The following LIN28B variants were observed in gnomAD, a reference collection of about 807,000 sequenced individuals.
The protein encoded by LIN28B is lin-28 RNA binding posttranscriptional regulator B.
LIN28B carries 5 observed loss-of-function variants against 21.9 expected under a neutral mutation model. The observed-to-expected ratio is 0.23, with a 90% CI of 0.12 to 0.48. The LOEUF (loss-of-function observed/expected upper bound fraction) is 0.48, where lower values mean the gene tolerates loss of function less well. Ranked by LOEUF, LIN28B falls within the 20% of genes least tolerant of loss-of-function variation. The pLI is 0.98. For missense variants in LIN28B, 245 were observed against 310.5 expected (o/e 0.79, Z 1.58); for synonymous variants, 109 against 111.3 (o/e 0.98, Z 0.13).
At chr6:104,992,516 T>TGTG (rs1562084946) in intron 2 of LIN28B, among the ~76,000 whole-genome samples, 4,111 of 45,280 alleles carry the variant, frequency 0.091, 203 homozygotes, top group African/African-American at 0.17. Flanking sequence ...GTGTGTGTGT[T>TGTG]TTTTTTTTAA....
chr6:105,081,369 A>C lies in LIN28B; in HGVS notation c.*2586A>C, dbSNP rs1772538646. ...ATTCCCTCAACTCTGTGCATATGTGAATATCACTGATGTGAACACATTGTT... is the reference window on the plus strand; with the variant it reads ...ATTCCCTCAACTCTGTGCATATGTGCATATCACTGATGTGAACACATTGTT... On this transcript the variant is annotated 3_prime_UTR_variant, in exon 4 of 4. Transcript: ENST00000345080. The C allele has an allele frequency of 6.6e-6, 1 of 152,666 alleles. No homozygotes were observed. The highest frequency in any genetic ancestry group is 2.4e-5 in the African/African-American group (1 of 41,466). The allele number at this position is 152,666 out of a possible 1,614,324, so 9.5% of individuals were successfully genotyped here.
chr6:104,969,232 C>T (rs1213967404), intron 2 of LIN28B, among the ~76,000 whole-genome samples: 1 of 152,130 alleles, frequency 6.6e-6, no homozygotes, highest in African/African-American at 2.4e-5. Flanking sequence ...AATACTCAGT[C>T]TAAGGACACT....
At chr6:105,064,294 T>C (rs1405787230) in intron 3 of LIN28B, among the ~76,000 whole-genome samples, 2 of 152,192 alleles carry the variant, frequency 1.3e-5, no homozygotes, top group African/African-American at 2.4e-5. Flanking sequence ...ATAGACATAT[T>C]TGTAGATCAA....
chr6:104,959,551 T>G (rs1769683822), intron 2 of LIN28B, among the ~76,000 whole-genome samples: 1 of 152,164 alleles, frequency 6.6e-6, no homozygotes, highest in South Asian at 2.1e-4. Flanking sequence ...TGGTGTGTGT[T>G]TTCCTTTCCT....
chr6:104,988,111 T>C (rs1283242985), intron 2 of LIN28B, among the ~76,000 whole-genome samples: 1 of 152,210 alleles, frequency 6.6e-6, no homozygotes, highest in Non-Finnish European at 1.5e-5. Flanking sequence ...GAAGTGATGA[T>C]AGTGGGCATC....
At chr6:105,007,079 G>A (rs933451368) in intron 2 of LIN28B, among the ~76,000 whole-genome samples, 8 of 152,096 alleles carry the variant, frequency 5.3e-5, no homozygotes, top group African/African-American at 1.9e-4. Flanking sequence ...GATGTCTAAG[G>A]TCTCTTTCAG....
rs573952996 is a variant in LIN28B at position 105,078,955 on chromosome 6, G to A, written c.*172G>A. The A allele has an allele frequency of 1.2e-4, 80 of 674,924 alleles. 3 individuals carry two copies. The highest frequency in any genetic ancestry group is 1.2e-3 in the South Asian group (57 of 48,142). 41.8% of individuals were successfully genotyped at this position (674,924 alleles called of 1,614,324 possible). ...TCTAAGCAAATTACATTTGAGCAGG[G>A]TGTCATGTTTTATGTTAATTCAGAG... On this transcript the variant is annotated 3_prime_UTR_variant, in exon 4 of 4. Coordinates refer to ENST00000345080, the MANE Select transcript of LIN28B (RefSeq NM_001004317.4).
intron 3 of LIN28B, among the ~76,000 whole-genome samples, chr6:105,041,188 A>C (rs1395225174): frequency 3.3e-5 from 5 of 152,182 alleles, no homozygotes; most frequent in Admixed American, 2.0e-4. Context: ...CTGGGATTAC[A>C]GGTGTGAGCC....
intron 2 of LIN28B, among the ~76,000 whole-genome samples, chr6:104,971,193 G>C (rs531395312): frequency 6.6e-6 from 1 of 151,830 alleles, no homozygotes; most frequent in Non-Finnish European, 1.5e-5. Context: ...ACATATTTTC[G>C]TGCAAATAAG....
At chr6:105,060,373 C>T (rs1370983310) in intron 3 of LIN28B, among the ~76,000 whole-genome samples, 1 of 152,128 alleles carries the variant, frequency 6.6e-6, no homozygotes, top group Non-Finnish European at 1.5e-5. Context: ...AAGCGATCTG[C>T]CCACCTCTGC....
chr6:104,997,350 AT>A, intron 2 of LIN28B, among the ~76,000 whole-genome samples: 1 of 151,910 alleles, frequency 6.6e-6, no homozygotes, highest in Non-Finnish European at 1.5e-5. Context: ...CATGGTTATA[AT>A]TTTAATTTTA....
intron 2 of LIN28B, among the ~76,000 whole-genome samples, chr6:104,992,086 A>G (rs1370347079): frequency 2.0e-5 from 3 of 147,762 alleles, no homozygotes; most frequent in Non-Finnish European, 3.0e-5. Context: ...TTTTTTTGAG[A>G]TGGAGTTTTG....
At chr6:105,050,334 G>A (rs1484876329) in intron 3 of LIN28B, among the ~76,000 whole-genome samples, 8 of 152,130 alleles carry the variant, frequency 5.3e-5, no homozygotes, top group Non-Finnish European at 8.8e-5. Flanking sequence ...TGGGCGCGGT[G>A]GCTCACGCCT....
intron 2 of LIN28B, among the ~76,000 whole-genome samples, chr6:105,007,252 AAC>A (rs1405788827): frequency 1.3e-5 from 2 of 152,234 alleles, no homozygotes; most frequent in African/African-American, 2.4e-5. Flanking sequence ...AATTTATTGA[AAC>A]AGTTTCAATT....
chr6:105,002,512 A>G (rs1298591201), intron 2 of LIN28B, among the ~76,000 whole-genome samples: 1 of 152,152 alleles, frequency 6.6e-6, no homozygotes, highest in Admixed American at 6.6e-5. Flanking sequence ...ACTGAAATTA[A>G]TAAAAATTAA....
rs200586414 is a variant in LIN28B at position 104,989,168 on chromosome 6, GA to G, written c.198+30883del. ...ATTTTATTTCTGCTTTCTATTTCTT[GA>G]TTTCTGCTCTTGAGTATTTCCTTCC... On this transcript the variant is annotated intron_variant, in intron 2 of 3. Coordinates refer to ENST00000345080, the MANE Select transcript of LIN28B (RefSeq NM_001004317.4). Among the ~76,000 whole-genome samples the G allele has an allele frequency of 7.9e-5, 12 of 151,976 alleles. No individual in the cohort carries two copies. The East Asian group carries it at 2.3e-3, about 29-fold the overall frequency.
chr6:105,042,650 A>G (rs1010316578), intron 3 of LIN28B, among the ~76,000 whole-genome samples: 2 of 149,072 alleles, frequency 1.3e-5, no homozygotes, highest in Non-Finnish European at 3.0e-5. Flanking sequence ...TTTTTTTTCT[A>G]TTTAGTTTCA....
chr6:105,061,400 T>C (rs1006651603), intron 3 of LIN28B, among the ~76,000 whole-genome samples: 1 of 152,158 alleles, frequency 6.6e-6, no homozygotes, highest in African/African-American at 2.4e-5. Flanking sequence ...AGAGCATTCA[T>C]AAGATATATA....
At position 104,984,202 on chromosome 6, in the gene LIN28B, G is replaced by A. The variant is rs141917818; in HGVS notation, c.198+25916G>A. ...AATTTTTATTTGTAGCCCAGTATGC[G>A]TTTAAAAAAATAGGTGATTTGGTAA... On this transcript the variant is annotated intron_variant, in intron 2 of 3. Coordinates refer to ENST00000345080, the MANE Select transcript of LIN28B (RefSeq NM_001004317.4). 2.4e-3 allele frequency among the ~76,000 whole-genome samples: 371 copies of A among 152,176 alleles called. 1 individual carries two copies. The highest frequency in any genetic ancestry group is 3.6e-3 in the Non-Finnish European group (247 of 68,002).
Sources: gnomAD v4.1 joint callset for allele counts (sites outside exome capture counted in the v4.1 genomes callset) on GRCh38, gnomAD v4.1.1 for gene constraint, MANE v1.5 for transcripts, NCBI Gene and HGNC (gene_info 2026-07-23, HGNC 2026-07-21) for gene names.